RBFOX1: variants seen among roughly 807,000 people sequenced by gnomAD.
The protein encoded by RBFOX1 is RNA binding fox-1 homolog 1.
Under a neutral mutation model 57.7 loss-of-function variants are expected in RBFOX1, and 8 were observed. That is an observed-to-expected ratio of 0.14 (90% CI 0.08 to 0.25). The LOEUF (loss-of-function observed/expected upper bound fraction) is 0.25. Ranked by LOEUF, RBFOX1 falls within the 10% of genes least tolerant of loss-of-function variation. RBFOX1 has a pLI of 1.00. For synonymous variants in RBFOX1, 326 were observed against 222.4 expected, an observed-to-expected ratio of 1.47 and a Z score of -4.15; for missense variants, 611 against 548.5, an observed-to-expected ratio of 1.11 and a Z score of -1.14.
At chr16:6,901,345 A>G (rs2068439170) in intron 3 of RBFOX1, among the ~76,000 whole-genome samples, 1 of 152,188 alleles carries the variant, frequency 6.6e-6, no homozygotes, top group Admixed American at 6.5e-5. Flanking sequence ...TCAACCTGGA[A>G]ATGTCCCACC....
intron 1 of RBFOX1, among the ~76,000 whole-genome samples, chr16:5,359,867 A>G (rs1283012395): frequency 6.6e-6 from 1 of 152,166 alleles, no homozygotes; most frequent in Non-Finnish European, 1.5e-5. Context: ...TCACTCATAA[A>G]ATGGGGATGC....
chr16:7,109,906 C>G (rs911106615), intron 4 of RBFOX1, among the ~76,000 whole-genome samples: 4 of 152,022 alleles, frequency 2.6e-5, no homozygotes, highest in African/African-American at 9.7e-5. Flanking sequence ...AGGGAAAGAG[C>G]CCCCTATCAG....
At chr16:7,604,439 C>T (rs564844716) in intron 9 of RBFOX1, among the ~76,000 whole-genome samples, 17 of 152,296 alleles carry the variant, frequency 1.1e-4, no homozygotes, top group South Asian at 8.3e-4. Flanking sequence ...ACCTTTCTCA[C>T]GATTAATACT....
At chr16:7,438,864 G>C (rs1252999719) in intron 4 of RBFOX1, among the ~76,000 whole-genome samples, 4 of 152,136 alleles carry the variant, frequency 2.6e-5, no homozygotes, top group Non-Finnish European at 5.9e-5. Flanking sequence ...CTGATGCTCT[G>C]TCAATGGCTG....
At chr16:6,569,843 C>T (rs2097320234) in intron 2 of RBFOX1, among the ~76,000 whole-genome samples, 1 of 152,312 alleles carries the variant, frequency 6.6e-6, no homozygotes, top group African/African-American at 2.4e-5. Flanking sequence ...TTCAAGTCTT[C>T]CCTATTTATA....
chr16:6,228,463 T>G (rs531203693), intron 1 of RBFOX1, among the ~76,000 whole-genome samples: 1 of 151,716 alleles, frequency 6.6e-6, no homozygotes, highest in African/African-American at 2.4e-5. Context: ...ATACATGCCA[T>G]GAAATACAAT....
chr16:7,392,614 A>G (rs1019497055), intron 4 of RBFOX1, among the ~76,000 whole-genome samples: 2 of 152,216 alleles, frequency 1.3e-5, no homozygotes, highest in Non-Finnish European at 2.9e-5. Flanking sequence ...GGCTAGAGTC[A>G]GAGCCACTTT....
At position 5,856,604 on chromosome 16, in the gene RBFOX1, T is replaced by TATATATATAA. The variant is rs776623035; in HGVS notation, c.319-10698_319-10697insTATATATAAA. 4.1e-3 allele frequency among the ~76,000 whole-genome samples: 281 copies of TATATATATAA among 67,988 alleles called. 38 individuals carry two copies. The highest frequency in any genetic ancestry group is 5.4e-3 in the South Asian group (9 of 1,662). 44.6% of individuals were successfully genotyped at this position (67,988 alleles called of 152,430 possible). On this transcript the variant is annotated intron_variant, in intron 3 of 19. Coordinates refer to the RBFOX1 transcript ENST00000641259. ...ATATATATATATATATATATATATATAATCTTAGCCAGATCTTCTGGATAA... is the reference window on the plus strand; with the variant it reads ...ATATATATATATATATATATATATATATATATATAAAATCTTAGCCAGATCTTCTGGATAA...
intron 9 of RBFOX1, among the ~76,000 whole-genome samples, chr16:7,600,175 G>A (rs568091286): frequency 2.6e-5 from 4 of 152,262 alleles, no homozygotes; most frequent in African/African-American, 9.6e-5. Context: ...ATATGGGTCT[G>A]TCATCCACGT....
chr16:5,261,700 C>A (rs2062737864), intron 1 of RBFOX1, among the ~76,000 whole-genome samples: 1 of 152,064 alleles, frequency 6.6e-6, no homozygotes, highest in East Asian at 1.9e-4. Flanking sequence ...CAGGCGCCTG[C>A]CACCATGCCT....
intron 1 of RBFOX1, among the ~76,000 whole-genome samples, chr16:6,224,022 C>T (rs926003830): frequency 2.6e-4 from 39 of 151,946 alleles, no homozygotes; most frequent in African/African-American, 7.7e-4. Flanking sequence ...AGATATGCGG[C>T]GTTATTTCTG....
intron 11 of RBFOX1, among the ~76,000 whole-genome samples, chr16:7,633,852 C>G (rs1042108401): frequency 6.6e-6 from 1 of 152,130 alleles, no homozygotes; most frequent in Non-Finnish European, 1.5e-5. Context: ...GCTTTTTGGT[C>G]TAGGCTGTTT....
Position 7,353,072 on chromosome 16 carries a change from G to C in RBFOX1, c.28-165075G>C, listed in dbSNP as rs1187652868. On this transcript the variant is annotated intron_variant, in intron 4 of 15. Coordinates refer to ENST00000550418, the MANE Select transcript of RBFOX1 (RefSeq NM_018723.4). ...AGGTTTGTGCATGAGTTACATAGTG[G>C]AACCCTAAAGCCATACCTTTGACCA... Among the ~76,000 whole-genome samples, 3 of 152,136 alleles carry C rather than the reference G, an allele frequency of 2.0e-5. No homozygotes were observed. In the East Asian group the frequency reaches 5.8e-4, roughly 29 times the overall value.
chr16:6,464,305 T>C (rs75810777), intron 2 of RBFOX1, among the ~76,000 whole-genome samples: 2,842 of 152,272 alleles, frequency 0.019, 81 homozygotes, highest in African/African-American at 0.062. Flanking sequence ...GAATAATCTT[T>C]GAAGAGCTGC....
chr16:6,434,871 C>G (rs760873014), intron 2 of RBFOX1, among the ~76,000 whole-genome samples: 4 of 152,190 alleles, frequency 2.6e-5, no homozygotes, highest in Non-Finnish European at 2.9e-5. Flanking sequence ...TGAGTTATTA[C>G]TATGTGCTAG....
chr16:6,372,415 G>T, intron 2 of RBFOX1, among the ~76,000 whole-genome samples: 1 of 149,720 alleles, frequency 6.7e-6, no homozygotes, highest in East Asian at 2.0e-4. Flanking sequence ...ATGGAGAATT[G>T]GTGGAAGAGT....
chr16:7,314,217 T>A (rs950497249), intron 4 of RBFOX1, among the ~76,000 whole-genome samples: 1 of 152,262 alleles, frequency 6.6e-6, no homozygotes, highest in African/African-American at 2.4e-5. Context: ...TCTGTTGTAC[T>A]GGGGAGCTCT....
At chr16:7,139,467 G>C (rs963680218) in intron 4 of RBFOX1, among the ~76,000 whole-genome samples, 1 of 152,142 alleles carries the variant, frequency 6.6e-6, no homozygotes, top group Non-Finnish European at 1.5e-5. Context: ...TGATGGAAGA[G>C]AGGAGGAAAA....
At chr16:6,509,905 T>C (rs2096213824) in intron 2 of RBFOX1, among the ~76,000 whole-genome samples, 1 of 152,154 alleles carries the variant, frequency 6.6e-6, no homozygotes, top group Non-Finnish European at 1.5e-5. Context: ...TAAAATAAAC[T>C]ATATCCCTGA....
Sources: gnomAD v4.1 joint callset for allele counts (sites outside exome capture counted in the v4.1 genomes callset) on GRCh38, gnomAD v4.1.1 for gene constraint, MANE v1.5 for transcripts, NCBI Gene and HGNC (gene_info 2026-07-23, HGNC 2026-07-21) for gene names.